The following AFAP1L2 variants were observed in gnomAD, a reference collection of about 807,000 sequenced individuals.
AFAP1L2 encodes the protein actin filament associated protein 1 like 2.
A neutral mutation model predicts 99.3 loss-of-function variants in AFAP1L2; 46 were observed. The observed-to-expected ratio is 0.46, with a 90% CI of 0.37 to 0.59. The LOEUF is 0.59. Ranked by LOEUF, AFAP1L2 falls within the 20% of genes least tolerant of loss-of-function variation. The pLI is 0.00. For synonymous variants in AFAP1L2, 397 were observed against 419.1 expected (o/e 0.95, Z 0.64); for missense variants, 959 against 1,034.9 (o/e 0.93, Z 1.01).
chr10:114,358,542 C>T (rs776312656), intron 1 of AFAP1L2, among the ~76,000 whole-genome samples: 19 of 152,224 alleles, frequency 1.2e-4, no homozygotes, highest in South Asian at 2.1e-4. Context: ...AGCTGGCCTC[C>T]CTTACATTTT....
the AFAP1L2 span, chr10:114,280,823 C>T: frequency 6.6e-6 from 1 of 152,206 alleles, no homozygotes. Context: ...GGTGCAGCCT[C>T]AAACTTCCAG....
In AFAP1L2 at chr10:114,331,807, T is replaced by C. The variant is rs1401289341; in HGVS notation, c.311A>G (p.Lys104Arg). Residue 104 changes from lysine to arginine, a missense_variant, in exon 4 of 19, where the codon AAG becomes AGG. Physicochemically the swap from Lys to Arg is conservative, Grantham distance 26 (BLOSUM62 2). This residue lies in a region of AFAP1L2 where 383 missense variants were observed against 472.8 expected (regional missense o/e 0.81). Transcript: ENST00000304129. Reference sequence around the variant, plus strand: ...GGGTCCTGAACTGATGCTTACCATCTTGGGTGGCGGGAGGTCTGGAAGGCT... The same window carrying C: ...GGGTCCTGAACTGATGCTTACCATCCTGGGTGGCGGGAGGTCTGGAAGGCT... ...QKSLPDLPPPKMIPERKQLAI... is the reference protein window; with the variant it reads ...QKSLPDLPPPRMIPERKQLAI... 2.2e-6 allele frequency: 3 copies of C among 1,388,572 alleles called. No individual in the cohort carries two copies. The highest frequency in any genetic ancestry group is 6.0e-5 in the East Asian group (2 of 33,300). 86.0% of individuals were successfully genotyped at this position (1,388,572 alleles called of 1,614,324 possible). A position where few individuals can be genotyped will look rare whatever the true frequency, so the allele number is the denominator to read the frequency against.
At chr10:114,395,831 G>A (rs1289707089) in intron 1 of AFAP1L2, among the ~76,000 whole-genome samples, 3 of 152,132 alleles carry the variant, frequency 2.0e-5, no homozygotes, top group Admixed American at 2.0e-4. Context: ...CAAACCAGAC[G>A]CGGGCCTTGG....
intron 1 of AFAP1L2, among the ~76,000 whole-genome samples, chr10:114,372,102 C>CTAA (rs1412943731): frequency 6.6e-6 from 1 of 152,232 alleles, no homozygotes; most frequent in Admixed American, 6.5e-5. Context: ...AAATTCTTGA[C>CTAA]TAATCTGTTC....
chr10:114,284,987 C>G, the AFAP1L2 span: 1 of 1,556,676 alleles, frequency 6.4e-7, no homozygotes, highest in Non-Finnish European at 8.7e-7. Context: ...ATGCACCGGC[C>G]CTGCAAGACT....
At chr10:114,403,429 G>T (rs937700212) in intron 1 of AFAP1L2, among the ~76,000 whole-genome samples, 1 of 152,186 alleles carries the variant, frequency 6.6e-6, no homozygotes, top group African/African-American at 2.4e-5. Context: ...GAATCTGAGC[G>T]TTCTCTTTTT....
rs139199622 is a variant in AFAP1L2, at chr10:114,316,356, C to T, written c.407-591G>A. On this transcript the variant is annotated intron_variant, in intron 5 of 18. Transcript: ENST00000304129. ...CCTCAGAAATAAAAGTCCAAATAAA[C>T]CACAGCAGGAAACACTTTCTGGGGA... 1.6e-3 allele frequency among the ~76,000 whole-genome samples: 247 copies of T among 152,294 alleles called. No homozygotes were observed. In the Middle Eastern group the frequency reaches 0.024, roughly 15 times the overall value.
chr10:114,328,294 C>T (rs1241524003), intron 4 of AFAP1L2, among the ~76,000 whole-genome samples: 2 of 152,122 alleles, frequency 1.3e-5, no homozygotes, highest in East Asian at 1.9e-4. Flanking sequence ...AGCCTGTGAC[C>T]GAGGCATGAT....
the AFAP1L2 span, chr10:114,289,154 G>C: frequency 2.5e-6 from 4 of 1,613,750 alleles, no homozygotes; most frequent in African/African-American, 4.0e-5. Flanking sequence ...GCGATGCTGC[G>C]GGCCATTAGC....
intron 4 of AFAP1L2, among the ~76,000 whole-genome samples, chr10:114,324,433 G>T (rs2045925445): frequency 7.4e-6 from 1 of 135,450 alleles, no homozygotes; most frequent in South Asian, 2.3e-4. Flanking sequence ...TGTATTTTTA[G>T]CAGAGATGGG....
intron 5 of AFAP1L2, among the ~76,000 whole-genome samples, chr10:114,315,977 T>C (rs1255380309): frequency 6.6e-6 from 1 of 152,242 alleles, no homozygotes; most frequent in South Asian, 2.1e-4. Context: ...GGATGCTGCC[T>C]GTGGCCACAA....
At chr10:114,308,205 G>A (rs1166813488) in intron 9 of AFAP1L2, among the ~76,000 whole-genome samples, 1 of 152,308 alleles carries the variant, frequency 6.6e-6, no homozygotes, top group East Asian at 1.9e-4. Flanking sequence ...TTGAAATAGG[G>A]TTAGCAAACA....
chr10:114,327,966 G>T (rs187225605), intron 4 of AFAP1L2, among the ~76,000 whole-genome samples: 1 of 152,234 alleles, frequency 6.6e-6, no homozygotes, highest in Non-Finnish European at 1.5e-5. Flanking sequence ...GGGATTAAGT[G>T]GTTTCCCCCA....
the AFAP1L2 span, chr10:114,284,767 C>A: frequency 8.2e-7 from 1 of 1,218,942 alleles, no homozygotes; most frequent in Non-Finnish European, 1.1e-6. Context: ...TGGGCCACTG[C>A]TAGAGCAGGA....
At chr10:114,345,200 C>CGGAGGGG (rs559649724) in intron 1 of AFAP1L2, among the ~76,000 whole-genome samples, 1 of 144,962 alleles carries the variant, frequency 6.9e-6, no homozygotes, top group African/African-American at 2.6e-5. Context: ...CTCTGTGTAT[C>CGGAGGGG]GGGGGAACAT....
chr10:114,386,563 C>T (rs926572497), intron 1 of AFAP1L2, among the ~76,000 whole-genome samples: 1 of 152,196 alleles, frequency 6.6e-6, no homozygotes, highest in Admixed American at 6.5e-5. Context: ...GCTCTTCCCC[C>T]GGCAGAGATG....
At chr10:114,389,997 C>T (rs2056945328) in intron 1 of AFAP1L2, among the ~76,000 whole-genome samples, 2 of 152,220 alleles carry the variant, frequency 1.3e-5, no homozygotes, top group Non-Finnish European at 2.9e-5. Context: ...TACAAGCAAA[C>T]TCATGCAATT....
chr10:114,303,721 C>G (rs1235398580), intron 11 of AFAP1L2, among the ~76,000 whole-genome samples: 2 of 152,192 alleles, frequency 1.3e-5, no homozygotes, highest in African/African-American at 2.4e-5. Flanking sequence ...CTTCTTGCCC[C>G]CTCCGATCCA....
In AFAP1L2 at chr10:114,392,023, G is replaced by A. The variant is rs182232100; in HGVS notation, c.16+12417C>T. 4.6e-3 allele frequency among the ~76,000 whole-genome samples: 697 copies of A among 152,262 alleles called. 12 individuals are homozygous for A. Among genetic ancestry groups the A allele is most frequent in the African/African-American group, 0.016 (675 of 41,546 alleles). ...CTCAAGGACAGGTCCTGGTTCAGGGGTCTCAAGAAATCTAGGCTTATCTTA... is the reference window on the plus strand; with the variant it reads ...CTCAAGGACAGGTCCTGGTTCAGGGATCTCAAGAAATCTAGGCTTATCTTA... On this transcript the variant is annotated intron_variant, in intron 1 of 18. Transcript: ENST00000304129.
Sources: gnomAD v4.1 joint callset for allele counts (sites outside exome capture counted in the v4.1 genomes callset) on GRCh38, gnomAD v4.1.1 for gene constraint, gnomAD v4.1.1 regional missense constraint, MANE v1.5 for transcripts, NCBI Gene and HGNC (gene_info 2026-07-23, HGNC 2026-07-21) for gene names.